Variants in C8A observed in about 807,000 individuals in gnomAD.
C8A encodes complement C8 alpha chain, also known as complement component C8 alpha chain.
In C8A, 67 loss-of-function variants were observed where a neutral mutation model predicts 65.3. That is an observed-to-expected ratio of 1.03 (90% CI 0.84 to 1.26). C8A has a LOEUF of 1.26. Ranked by LOEUF, C8A falls within the 50% of genes most tolerant of loss-of-function variation. The pLI, the probability that C8A is intolerant of heterozygous loss-of-function variation, is 0.00. For missense variants in C8A, 781 were observed against 723.9 expected (o/e 1.08, Z -0.90); for synonymous variants, 290 against 259.4 (o/e 1.12, Z -1.13).
intron 7 of C8A, among the ~76,000 whole-genome samples, chr1:56,894,883 C>A (rs765829579): frequency 9.9e-5 from 15 of 152,214 alleles, no homozygotes; most frequent in Non-Finnish European, 2.1e-4. Context: ...CTGTGGACAG[C>A]CAAATTGGTT....
chr1:56,877,889 G>T (rs536859526), intron 4 of C8A, among the ~76,000 whole-genome samples: 5 of 152,244 alleles, frequency 3.3e-5, no homozygotes, highest in South Asian at 2.1e-4. Context: ...CTCTGTAAGT[G>T]CATGTAGATA....
intron 1 of C8A, among the ~76,000 whole-genome samples, chr1:56,856,907 A>G (rs1269274066): frequency 6.6e-6 from 1 of 152,114 alleles, no homozygotes; most frequent in Non-Finnish European, 1.5e-5. Flanking sequence ...GAAGGAAGTT[A>G]TAATCTTCAG....
chr1:56,873,220 A>G (rs1333533277), intron 2 of C8A, among the ~76,000 whole-genome samples: 1 of 152,194 alleles, frequency 6.6e-6, no homozygotes. Context: ...CCATGGAATC[A>G]CCTGGAAATA....
chr1:56,915,582 A>G (rs1379574752), intron 10 of C8A, among the ~76,000 whole-genome samples: 4 of 152,272 alleles, frequency 2.6e-5, no homozygotes, highest in Admixed American at 2.6e-4. Context: ...ATCAATGAAC[A>G]GAAAAAATAA....
At chr1:56,912,137 C>T (rs635833) in intron 9 of C8A, among the ~76,000 whole-genome samples, 135,215 of 152,238 alleles carry the variant, frequency 0.89, 60,180 homozygotes, top group South Asian at 0.97. Context: ...TCTCTAAACC[C>T]GATCTTCATT....
chr1:56,907,111 C>A (rs1222818445), intron 8 of C8A, among the ~76,000 whole-genome samples: 1 of 152,164 alleles, frequency 6.6e-6, no homozygotes, highest in Admixed American at 6.5e-5. Context: ...CATCATATTA[C>A]AGTTCAGAGG....
chr1:56,869,824 T>C (rs1644126209), intron 2 of C8A, among the ~76,000 whole-genome samples: 1 of 152,344 alleles, frequency 6.6e-6, no homozygotes, highest in Non-Finnish European at 1.5e-5. Flanking sequence ...AATTAATCCC[T>C]GCTTTTCTCT....
chr1:56,862,355 A>G (rs1304447416), intron 1 of C8A, among the ~76,000 whole-genome samples: 1 of 152,142 alleles, frequency 6.6e-6, no homozygotes, highest in Admixed American at 6.5e-5. Context: ...AGTCTTACAG[A>G]TGATGCATAC....
intron 1 of C8A, among the ~76,000 whole-genome samples, chr1:56,860,415 T>A (rs1165339958): frequency 6.6e-6 from 1 of 152,136 alleles, no homozygotes; most frequent in East Asian, 1.9e-4. Context: ...AAATTTGGAA[T>A]TGAGTGTATG....
At chr1:56,856,796 T>C (rs1237668710) in intron 1 of C8A, among the ~76,000 whole-genome samples, 2 of 152,050 alleles carry the variant, frequency 1.3e-5, no homozygotes, top group Non-Finnish European at 2.9e-5. Flanking sequence ...CTATTACATA[T>C]TTTATACAAA....
intron 3 of C8A, among the ~76,000 whole-genome samples, chr1:56,875,385 T>C (rs1440381408): frequency 2.0e-5 from 3 of 152,156 alleles, no homozygotes; most frequent in Non-Finnish European, 4.4e-5. Flanking sequence ...CCAGGAAGTA[T>C]GCTATCTGCT....
chr1:56,865,607 C>T (rs1177744897), intron 1 of C8A, among the ~76,000 whole-genome samples: 6 of 152,082 alleles, frequency 3.9e-5, no homozygotes, highest in Admixed American at 3.3e-4. Context: ...TTTCCTGGAA[C>T]ATCATTTTTT....
rs1643959190 is a variant in C8A at position 56,854,962 on chromosome 1, C to A, written c.61C>A (p.Gln21Lys). The change falls in exon 1 of 11, where the codon CAG becomes AAG. Residue 21 changes from glutamine to lysine, a missense_variant. By Grantham distance (53) the Gln-to-Lys change is moderately conservative. Coordinates refer to ENST00000361249, the MANE Select transcript of C8A (RefSeq NM_000562.3). Reference sequence around the variant, plus strand: ...GACTTGTCAGCCTGGGGTAACTGCACAGGAGAAGGTGAACCAGTAAGTGGG... The same window carrying A: ...GACTTGTCAGCCTGGGGTAACTGCAAAGGAGAAGGTGAACCAGTAAGTGGG... ...LMTCQPGVTA[Q>K]EKVNQRVRRA... 1 of 1,613,654 alleles carries A rather than the reference C, an allele frequency of 6.2e-7. No individual in the cohort carries two copies. Among genetic ancestry groups the A allele is most frequent in the African/African-American group, 1.3e-5 (1 of 75,022 alleles).
intron 10 of C8A, among the ~76,000 whole-genome samples, chr1:56,915,779 C>T (rs1616673): frequency 0.1 from 15,599 of 152,058 alleles, 1,255 homozygotes; most frequent in African/African-American, 0.22. Context: ...GATTTGGACC[C>T]GGGACCCAAT....
intron 9 of C8A, among the ~76,000 whole-genome samples, chr1:56,910,069 T>G (rs1489649679): frequency 2.0e-5 from 3 of 152,160 alleles, no homozygotes; most frequent in Admixed American, 2.0e-4. Flanking sequence ...AAGGGTGATT[T>G]GAAGAAGAGA....
intron 5 of C8A, 46 bp downstream of exon 5, chr1:56,881,680 C>A (rs1644249891): frequency 6.6e-7 from 1 of 1,524,962 alleles, no homozygotes; most frequent in African/African-American, 1.4e-5. Context: ...GTGTAGGTGG[C>A]AGAGAGGCAG....
chr1:56,883,558 G>A lies in C8A; in HGVS notation c.732G>A (p.Lys244=), dbSNP rs1318706605. The change falls in exon 6 of 11, where the codon AAG becomes AAA. Residue 244 remains lysine (K), a synonymous_variant. Coordinates refer to ENST00000361249, the MANE Select transcript of C8A (RefSeq NM_000562.3). The part of the protein sequence containing the change: ...NDLLSKVKKD[K]SDSFGVTIGI... ...TTCTTTCCAAAGTTAAAAAAGACAA[G>A]TCTGACTCATTTGGAGTGACCATCG... 1 of 1,613,718 alleles carries A rather than the reference G, an allele frequency of 6.2e-7. No individual in the cohort carries two copies. The highest frequency in any genetic ancestry group is 8.5e-7 in the Non-Finnish European group (1 of 1,179,896).
intron 7 of C8A, among the ~76,000 whole-genome samples, chr1:56,889,951 G>A (rs577333227): frequency 6.6e-5 from 10 of 152,112 alleles, no homozygotes; most frequent in African/African-American, 1.7e-4. Flanking sequence ...TCTACCTTCC[G>A]CAGGTATCAG....
At chr1:56,887,136 T>C (rs1044772460) in intron 7 of C8A, among the ~76,000 whole-genome samples, 1 of 152,218 alleles carries the variant, frequency 6.6e-6, no homozygotes, top group Non-Finnish European at 1.5e-5. Flanking sequence ...TTTCCTTGAC[T>C]GCATCATCCC....
Sources: allele counts gnomAD v4.1 joint callset (sites outside exome capture counted in the v4.1 genomes callset), GRCh38; gene constraint gnomAD v4.1.1; transcripts MANE v1.5; gene names NCBI Gene and HGNC (gene_info 2026-07-23, HGNC 2026-07-21).